Variants in ADCY9 observed in about 807,000 individuals in gnomAD.
ADCY9 encodes the protein adenylate cyclase 9.
A neutral mutation model predicts 101.5 loss-of-function variants in ADCY9; 50 were observed. That is an observed-to-expected ratio of 0.49 (90% CI 0.39 to 0.62). The LOEUF (loss-of-function observed/expected upper bound fraction) is 0.62, where lower values mean the gene tolerates loss of function less well. ADCY9 is among the 20% of genes least tolerant of loss of function. ADCY9 has a pLI of 0.00. For synonymous variants in ADCY9, 905 were observed against 769.3 expected, an observed-to-expected ratio of 1.18 and a Z score of -2.92; for missense variants, 1,662 against 1,800.4, an observed-to-expected ratio of 0.92 and a Z score of 1.39.
At chr16:4,016,810 T>C (rs1179114029) in intron 2 of ADCY9, among the ~76,000 whole-genome samples, 3 of 152,102 alleles carry the variant, frequency 2.0e-5, no homozygotes, top group South Asian at 2.1e-4. Context: ...GATGAGTGGC[T>C]GCCATGGGTT....
chr16:4,047,888 T>A (rs2056676259), intron 2 of ADCY9, among the ~76,000 whole-genome samples: 1 of 152,188 alleles, frequency 6.6e-6, no homozygotes, highest in Admixed American at 6.5e-5. Context: ...TTGCAGTCCC[T>A]AACTTGCCCT....
chr16:4,069,594 C>A (rs1338498410), intron 2 of ADCY9, among the ~76,000 whole-genome samples: 6 of 152,126 alleles, frequency 3.9e-5, no homozygotes, highest in African/African-American at 9.6e-5. Context: ...TCACTCATCA[C>A]CAATTTGGCT....
At chr16:3,977,417 C>G in intron 9 of ADCY9, 65 bp downstream of exon 9, 1 of 1,520,634 alleles carries the variant, frequency 6.6e-7, no homozygotes, top group East Asian at 2.5e-5. Context: ...TGCAGCCAGG[C>G]CCTACGCAAC....
intron 2 of ADCY9, among the ~76,000 whole-genome samples, chr16:4,109,159 T>G (rs2057098238): frequency 6.6e-6 from 1 of 152,158 alleles, no homozygotes; most frequent in Non-Finnish European, 1.5e-5. Context: ...CACAAAACAC[T>G]TTTTCTATTT....
chr16:3,993,422 T>G lies in ADCY9; in HGVS notation c.1973A>C (p.His658Pro). The change falls in exon 4 of 11, where the codon CAT becomes CCT. Residue 658 changes from histidine (H) to proline (P), a missense_variant. This residue lies in a region of ADCY9 where 624 missense variants were observed against 639.1 expected (regional missense o/e 0.98). Coordinates refer to ENST00000294016, the MANE Select transcript of ADCY9 (RefSeq NM_001116.4). Reference sequence around the variant, plus strand: ...GCTTGTTACCTTGGTGCTGTTTTTATGCTCGTCTTGGCAGCCGTTTTGAGG... The same window carrying G: ...GCTTGTTACCTTGGTGCTGTTTTTAGGCTCGTCTTGGCAGCCGTTTTGAGG... The part of the protein sequence containing the change: ...GAPQNGCQDE[H>P]KNSTKASGGP... The G allele has an allele frequency of 6.2e-7, 1 of 1,614,158 alleles. No homozygotes were observed. The highest frequency in any genetic ancestry group is 1.7e-5 in the Admixed American group (1 of 60,030).
Position 3,965,281 on chromosome 16 carries a change from T to C in ADCY9, c.*494A>G, listed in dbSNP as rs143392571. 1.7e-3 allele frequency: 286 copies of C among 167,222 alleles called. 1 individual carries two copies. The highest frequency in any genetic ancestry group is 6.6e-3 in the African/African-American group (275 of 41,770). 10.4% of individuals were successfully genotyped at this position (167,222 alleles called of 1,614,324 possible). A position where few individuals can be genotyped will look rare whatever the true frequency, so the allele number is the denominator to read the frequency against. ...TCATGAATGCAAGTGTGTGTGCGCA[T>C]GTGTGCTTACATAGAGAGGTCGGGT... On this transcript the variant is annotated 3_prime_UTR_variant, in exon 11 of 11. Transcript: ENST00000294016.
chr16:3,979,593 G>A (rs1320468119), intron 7 of ADCY9, among the ~76,000 whole-genome samples: 1 of 152,244 alleles, frequency 6.6e-6, no homozygotes, highest in African/African-American at 2.4e-5. Flanking sequence ...AGTCTCCTGG[G>A]GGCCACCACG....
chr16:4,026,724 T>C (rs548434778), intron 2 of ADCY9, among the ~76,000 whole-genome samples: 1 of 152,284 alleles, frequency 6.6e-6, no homozygotes, highest in Non-Finnish European at 1.5e-5. Flanking sequence ...CTAGACTAAG[T>C]GGAAGAAACC....
chr16:3,979,342 T>C, intron 7 of ADCY9, 67 bp from the exon 8 acceptor site: 4 of 1,573,752 alleles, frequency 2.5e-6, no homozygotes, highest in Admixed American at 3.5e-5. Flanking sequence ...AGGAGACAGG[T>C]GCGAGGCCGC....
intron 2 of ADCY9, among the ~76,000 whole-genome samples, chr16:4,081,032 G>C (rs2056898486): frequency 6.6e-6 from 1 of 152,094 alleles, no homozygotes; most frequent in Non-Finnish European, 1.5e-5. Flanking sequence ...CTTGACTCGA[G>C]GTAGGGAAAA....
chr16:4,067,088 A>C (rs1330375757), intron 2 of ADCY9, among the ~76,000 whole-genome samples: 1 of 152,204 alleles, frequency 6.6e-6, no homozygotes, highest in Non-Finnish European at 1.5e-5. Context: ...AAGAGTTTTA[A>C]GAACTGAAAT....
chr16:3,976,473 G>A (rs2056093383), intron 9 of ADCY9, among the ~76,000 whole-genome samples: 1 of 151,966 alleles, frequency 6.6e-6, no homozygotes, highest in South Asian at 2.1e-4. Context: ...GAGGTCTACC[G>A]GCCTCCCTGA....
intron 2 of ADCY9, among the ~76,000 whole-genome samples, chr16:4,017,918 C>T (rs1441376380): frequency 6.6e-6 from 1 of 152,266 alleles, no homozygotes; most frequent in Non-Finnish European, 1.5e-5. Context: ...ACTTCTCCTG[C>T]AGCAGGTGTA....
At chr16:3,997,066 C>T (rs1408637804) in intron 3 of ADCY9, among the ~76,000 whole-genome samples, 3 of 152,084 alleles carry the variant, frequency 2.0e-5, no homozygotes, top group Non-Finnish European at 2.9e-5. Flanking sequence ...GGTTTCACCA[C>T]GTTGGTCAGG....
chr16:4,074,246 T>C (rs1435532853), intron 2 of ADCY9, among the ~76,000 whole-genome samples: 1 of 152,166 alleles, frequency 6.6e-6, no homozygotes, highest in South Asian at 2.1e-4. Context: ...CTTACAGTTA[T>C]GAAGAATTCT....
At chr16:3,980,162 C>T (rs150810377) in intron 7 of ADCY9, among the ~76,000 whole-genome samples, 176 of 152,348 alleles carry the variant, frequency 1.2e-3, no homozygotes, top group Non-Finnish European at 1.2e-3. Flanking sequence ...ACGTGAGGTC[C>T]AGCACCACGT....
In ADCY9 at chr16:3,964,931, C is replaced by T. The variant is rs1597130161; in HGVS notation, c.*844G>A. The T allele has an allele frequency of 6.6e-6, 1 of 152,240 alleles. No homozygotes were observed. Among genetic ancestry groups the T allele is most frequent in the Non-Finnish European group, 1.5e-5 (1 of 68,054 alleles). 9.4% of individuals were successfully genotyped at this position (152,240 alleles called of 1,614,324 possible). On this transcript the variant is annotated 3_prime_UTR_variant, in exon 11 of 11. Transcript: ENST00000294016. ...AACCTCGGATGTTTATTTGGTATTT[C>T]CCTCTCCGATGAGTCAGCTTCCAGG... is the stretch of plus-strand genomic sequence containing the variant.
At chr16:4,015,917 G>A (rs967263390) in intron 2 of ADCY9, among the ~76,000 whole-genome samples, 5 of 151,432 alleles carry the variant, frequency 3.3e-5, no homozygotes, top group South Asian at 2.1e-4. Context: ...GCAGATAGCC[G>A]AGATCACGCC....
At chr16:4,008,486 T>A (rs1046900263) in intron 2 of ADCY9, among the ~76,000 whole-genome samples, 4 of 152,192 alleles carry the variant, frequency 2.6e-5, no homozygotes, top group Non-Finnish European at 5.9e-5. Context: ...AGGGACAATG[T>A]AATTTAACAT....
Sources: allele counts gnomAD v4.1 joint callset (sites outside exome capture counted in the v4.1 genomes callset), GRCh38; gene constraint gnomAD v4.1.1; regional missense constraint gnomAD v4.1.1; transcripts MANE v1.5; gene names NCBI Gene and HGNC (gene_info 2026-07-23, HGNC 2026-07-21).